The following CNTN4 variants were observed in gnomAD, a reference collection of about 807,000 sequenced individuals.
CNTN4 encodes contactin 4.
A neutral mutation model predicts 122.5 loss-of-function variants in CNTN4; 77 were observed. That is an observed-to-expected ratio of 0.63 (90% CI 0.52 to 0.76). CNTN4 has a LOEUF of 0.76. CNTN4 is among the 30% of genes least tolerant of loss of function. The pLI is 0.00. For synonymous variants in CNTN4, 512 were observed against 447.0 expected, an observed-to-expected ratio of 1.15 and a Z score of -1.83; for missense variants, 1,256 against 1,259.1, an observed-to-expected ratio of 1.00 and a Z score of 0.04.
chr3:2,627,570 T>C (rs975595366), intron 4 of CNTN4, among the ~76,000 whole-genome samples: 22 of 147,738 alleles, frequency 1.5e-4, no homozygotes, highest in East Asian at 4.2e-4. Flanking sequence ...CTCGGCTCAC[T>C]GCAAGCTCCG....
Position 2,693,539 on chromosome 3 carries a change from A to G in CNTN4, c.56-42676A>G, listed in dbSNP as rs574346368. 6.6e-5 allele frequency among the ~76,000 whole-genome samples: 10 copies of G among 152,326 alleles called. No individual in the cohort carries two copies. The South Asian group carries it at 2.1e-3, about 32-fold the overall frequency. On this transcript the variant is annotated intron_variant, in intron 4 of 24. Transcript: ENST00000418658. Reference sequence around the variant, plus strand: ...TATGTTTTAAATAATAACATGTGGTAGATGCTATGGAAGCACCTAGCAGTG... The same window carrying G: ...TATGTTTTAAATAATAACATGTGGTGGATGCTATGGAAGCACCTAGCAGTG...
intron 4 of CNTN4, among the ~76,000 whole-genome samples, chr3:2,621,162 C>T (rs961441080): frequency 1.1e-4 from 16 of 152,084 alleles, no homozygotes; most frequent in Admixed American, 2.0e-4. Context: ...CGTTAAGCAC[C>T]CCCTGTTCTC....
At chr3:2,400,432 T>TAC (rs1553640943) in intron 3 of CNTN4, among the ~76,000 whole-genome samples, 77 of 103,148 alleles carry the variant, frequency 7.5e-4, no homozygotes, top group South Asian at 1.1e-3. Context: ...TATATACATA[T>TAC]ATATATATAT....
At chr3:2,136,098 G>A (rs2034677930) in intron 2 of CNTN4, among the ~76,000 whole-genome samples, 1 of 152,174 alleles carries the variant, frequency 6.6e-6, no homozygotes, top group Non-Finnish European at 1.5e-5. Flanking sequence ...CAGATCTGCT[G>A]ATGTTAATTC....
At chr3:2,229,741 C>T (rs2149536020) in intron 2 of CNTN4, among the ~76,000 whole-genome samples, 1 of 152,170 alleles carries the variant, frequency 6.6e-6, no homozygotes, top group South Asian at 2.1e-4. Context: ...GTAATCAATG[C>T]CTCATTTAAT....
chr3:2,294,615 T>C (rs924185015), intron 2 of CNTN4, among the ~76,000 whole-genome samples: 1 of 152,094 alleles, frequency 6.6e-6, no homozygotes, highest in Admixed American at 6.6e-5. Flanking sequence ...TGGGTGACAG[T>C]GAGACCTGTT....
chr3:2,550,827 A>T (rs557731631), intron 3 of CNTN4, among the ~76,000 whole-genome samples: 48 of 152,302 alleles, frequency 3.2e-4, no homozygotes, highest in African/African-American at 9.4e-4. Context: ...GGAAACCATC[A>T]TTCTCAGCCA....
chr3:2,287,632 G>GAGAAGAAGAAGAAGA (rs1210971247), intron 2 of CNTN4, among the ~76,000 whole-genome samples: 3 of 49,478 alleles, frequency 6.1e-5, no homozygotes, highest in African/African-American at 2.1e-4. Context: ...GAAGGAGAAG[G>GAGAAGAAGAAGAAGA]AGAAGAAGAA....
intron 2 of CNTN4, among the ~76,000 whole-genome samples, chr3:2,288,392 A>G (rs2042016649): frequency 6.6e-6 from 1 of 152,110 alleles, no homozygotes; most frequent in Non-Finnish European, 1.5e-5. Flanking sequence ...GGCTCTTTTT[A>G]ACAACCATCT....
At chr3:2,668,224 G>A (rs1379704749) in intron 4 of CNTN4, among the ~76,000 whole-genome samples, 1 of 152,156 alleles carries the variant, frequency 6.6e-6, no homozygotes, top group African/African-American at 2.4e-5. Context: ...CTACCCTGGA[G>A]CATGGAATGT....
chr3:2,456,147 G>C (rs1392560638), intron 3 of CNTN4, among the ~76,000 whole-genome samples: 1 of 152,002 alleles, frequency 6.6e-6, no homozygotes, highest in Non-Finnish European at 1.5e-5. Context: ...CTGAGTTCAA[G>C]CCTTCCTGAA....
chr3:2,606,586 A>G (rs1394162577), intron 4 of CNTN4, among the ~76,000 whole-genome samples: 2 of 152,240 alleles, frequency 1.3e-5, no homozygotes, highest in Non-Finnish European at 2.9e-5. Context: ...CTATTGTGTT[A>G]TGACTAATTC....
chr3:2,747,041 C>A (rs1419592733), intron 6 of CNTN4, among the ~76,000 whole-genome samples: 1 of 150,164 alleles, frequency 6.7e-6, no homozygotes, highest in East Asian at 2.0e-4. Context: ...TCTTGTAATT[C>A]TTTGAATTTT....
At chr3:2,834,401 C>G (rs533975067) in intron 7 of CNTN4, among the ~76,000 whole-genome samples, 15 of 151,840 alleles carry the variant, frequency 9.9e-5, no homozygotes, top group Admixed American at 7.2e-4. Flanking sequence ...CCCATCTCTA[C>G]TAAAGATTTA....
chr3:2,694,731 A>G (rs1266575747), intron 4 of CNTN4, among the ~76,000 whole-genome samples: 1 of 150,232 alleles, frequency 6.7e-6, no homozygotes, highest in Non-Finnish European at 1.5e-5. Flanking sequence ...CCTGTCTCAA[A>G]AAAAGAAAGA....
At chr3:2,457,145 C>T (rs542072080) in intron 3 of CNTN4, among the ~76,000 whole-genome samples, 70 of 152,232 alleles carry the variant, frequency 4.6e-4, no homozygotes, top group Non-Finnish European at 6.9e-4. Context: ...AGAGCTGCTT[C>T]TGCTGTTCCC....
chr3:2,211,023 A>C (rs748373672), intron 2 of CNTN4, among the ~76,000 whole-genome samples: 2 of 152,154 alleles, frequency 1.3e-5, no homozygotes, highest in South Asian at 4.1e-4. Context: ...AATACCTGAA[A>C]CTGGGTAATT....
intron 3 of CNTN4, among the ~76,000 whole-genome samples, chr3:2,445,796 A>C (rs1014241442): frequency 6.6e-6 from 1 of 152,038 alleles, no homozygotes; most frequent in African/African-American, 2.4e-5. Flanking sequence ...ATTTGATCGG[A>C]GCTTCCAGAA....
chr3:2,822,097 T>G (rs779490733), intron 7 of CNTN4, among the ~76,000 whole-genome samples: 1 of 152,302 alleles, frequency 6.6e-6, no homozygotes, highest in Middle Eastern at 3.4e-3. Context: ...AAGGAATTGT[T>G]AGGATTTCTG....
Sources: allele counts gnomAD v4.1 joint callset (sites outside exome capture counted in the v4.1 genomes callset), GRCh38; gene constraint gnomAD v4.1.1; transcripts MANE v1.5; gene names NCBI Gene and HGNC (gene_info 2026-07-23, HGNC 2026-07-21).